Variants in GGACT observed in about 807,000 individuals in gnomAD.
GGACT encodes gamma-glutamylaminecyclotransferase.
For missense variants in GGACT, 241 were observed against 233.2 expected, an observed-to-expected ratio of 1.03 and a Z score of -0.22; for synonymous variants, 118 against 115.3, an observed-to-expected ratio of 1.02 and a Z score of -0.15.
rs1275414826 is a variant in GGACT at position 100,569,631 on chromosome 13, G to A, written c.-11+14194C>T. On this transcript the variant is annotated intron_variant, in intron 2 of 2. Transcript: ENST00000683975. The stretch of plus-strand genomic sequence containing the variant: ...TCTGATATGCCCTGGAGACATTTTC[G>A]CCACTGTCTTGGTGATTAACATTTG... Among the ~76,000 whole-genome samples, 11 of 152,330 alleles carry A rather than the reference G, an allele frequency of 7.2e-5. 1 individual carries two copies. The highest frequency in any genetic ancestry group is 4.1e-4 in the South Asian group (2 of 4,828).
rs964926761 is a variant in GGACT at position 100,530,439 on chromosome 13, T to C, written c.*1691A>G. 3 of 543,576 alleles carry C rather than the reference T, an allele frequency of 5.5e-6. No homozygotes were observed. In the East Asian group the frequency reaches 9.8e-5, roughly 18 times the overall value. The allele number at this position is 543,576 out of a possible 1,614,324, so 33.7% of individuals were successfully genotyped here. A position where few individuals can be genotyped will look rare whatever the true frequency, so the allele number is the denominator to read the frequency against. On this transcript the variant is annotated 3_prime_UTR_variant, in exon 3 of 3. Transcript: ENST00000683975. ...TAAAACTGAGCATTTGTCTAAATAT[T>C]AGTTTGCCCTTTCTTTGAATGAAGA...
intron 2 of GGACT, among the ~76,000 whole-genome samples, chr13:100,551,491 C>A (rs863911): frequency 0.012 from 1,757 of 152,242 alleles, 33 homozygotes; most frequent in African/African-American, 0.04. Flanking sequence ...CAGGAACTTC[C>A]CAGAAAAGAA....
At chr13:100,571,774 A>AG (rs1191760745) in intron 2 of GGACT, among the ~76,000 whole-genome samples, 2 of 152,240 alleles carry the variant, frequency 1.3e-5, no homozygotes, top group Non-Finnish European at 2.9e-5. Context: ...ACATTGATGT[A>AG]TGGAGATAAT....
At chr13:100,559,800 G>A (rs899715607) in intron 2 of GGACT, among the ~76,000 whole-genome samples, 1 of 152,174 alleles carries the variant, frequency 6.6e-6, no homozygotes, top group African/African-American at 2.4e-5. Context: ...CGGCTGATAG[G>A]AAAGTCTTAA....
At chr13:100,561,079 G>A (rs2088755346) in intron 2 of GGACT, among the ~76,000 whole-genome samples, 1 of 152,192 alleles carries the variant, frequency 6.6e-6, no homozygotes, top group Non-Finnish European at 1.5e-5. Context: ...TCATGGTGAA[G>A]CTTGTGGCTA....
intron 2 of GGACT, among the ~76,000 whole-genome samples, chr13:100,563,627 G>A (rs896178764): frequency 6.6e-6 from 1 of 152,164 alleles, no homozygotes; most frequent in South Asian, 2.1e-4. Flanking sequence ...TCCAGCCTGA[G>A]CAACACAGTT....
Position 100,531,851 on chromosome 13 carries a change from G to T in GGACT, c.*279C>A. The stretch of plus-strand genomic sequence containing the variant: ...GCAGAGCCAACAGCAGAAACAACAC[G>T]AGGAGGAAGAAGAATTAGGCATAAC... On this transcript the variant is annotated 3_prime_UTR_variant, in exon 3 of 3. Transcript: ENST00000683975. The T allele has an allele frequency of 2.8e-6, 1 of 353,820 alleles. No individual in the cohort carries two copies. The allele number at this position is 353,820 out of a possible 1,614,324, so 21.9% of individuals were successfully genotyped here.
At chr13:100,557,178 A>G (rs2088716191) in intron 2 of GGACT, among the ~76,000 whole-genome samples, 1 of 152,256 alleles carries the variant, frequency 6.6e-6, no homozygotes, top group Non-Finnish European at 1.5e-5. Context: ...GGCTTTAGCC[A>G]CCATGCCCAG....
At chr13:100,539,136 C>T (rs1451971296) in intron 2 of GGACT, 1 of 152,182 alleles carries the variant, frequency 6.6e-6, no homozygotes, top group African/African-American at 2.4e-5. Context: ...CTATACAGGA[C>T]CATATTGTTT....
intron 2 of GGACT, among the ~76,000 whole-genome samples, chr13:100,557,606 TCC>T (rs1470175199): frequency 6.6e-6 from 1 of 152,100 alleles, no homozygotes; most frequent in Non-Finnish European, 1.5e-5. Flanking sequence ...CTTATCTCAC[TCC>T]CTATACACTA....
intron 2 of GGACT, among the ~76,000 whole-genome samples, chr13:100,550,360 G>T (rs2088650518): frequency 9.1e-6 from 1 of 110,188 alleles, no homozygotes; most frequent in Non-Finnish European, 1.8e-5. Context: ...ACACACCACT[G>T]GCCCTTCTAA....
chr13:100,563,773 A>G (rs566371358), intron 2 of GGACT, among the ~76,000 whole-genome samples: 1 of 152,400 alleles, frequency 6.6e-6, no homozygotes, highest in East Asian at 1.9e-4. Context: ...AGGAAAGAGA[A>G]GAATGAATTT....
At chr13:100,579,566 C>T (rs890633115) in intron 2 of GGACT, among the ~76,000 whole-genome samples, 3 of 152,186 alleles carry the variant, frequency 2.0e-5, no homozygotes, top group African/African-American at 7.2e-5. Flanking sequence ...GACAATGAGA[C>T]CCTCATTCCA....
intron 2 of GGACT, among the ~76,000 whole-genome samples, chr13:100,561,390 C>T (rs1433740840): frequency 2.0e-5 from 3 of 152,142 alleles, no homozygotes; most frequent in Admixed American, 6.5e-5. Context: ...CCATAGCAAA[C>T]AAAAATAACA....
chr13:100,564,818 G>C (rs553357806), intron 2 of GGACT, among the ~76,000 whole-genome samples: 15 of 152,262 alleles, frequency 9.9e-5, no homozygotes, highest in Non-Finnish European at 1.9e-4. Flanking sequence ...TCTATGCCCC[G>C]GGCAGGGGGC....
At chr13:100,562,872 A>C (rs2088777761) in intron 2 of GGACT, among the ~76,000 whole-genome samples, 1 of 152,020 alleles carries the variant, frequency 6.6e-6, no homozygotes, top group Non-Finnish European at 1.5e-5. Context: ...TTGACTCCAG[A>C]GTTCAAACTC....
At chr13:100,566,819 G>A (rs1322608723) in intron 2 of GGACT, among the ~76,000 whole-genome samples, 1 of 152,160 alleles carries the variant, frequency 6.6e-6, no homozygotes, top group Non-Finnish European at 1.5e-5. Context: ...CCACCTTCTC[G>A]CAGACAGTTT....
chr13:100,546,255 G>A (rs1008459603), intron 2 of GGACT, among the ~76,000 whole-genome samples: 1 of 151,658 alleles, frequency 6.6e-6, no homozygotes, highest in Admixed American at 6.6e-5. Flanking sequence ...CCAGCTACTC[G>A]GGAGGCTGAG....
At chr13:100,551,240 C>T (rs1178991798) in intron 2 of GGACT, among the ~76,000 whole-genome samples, 4 of 151,730 alleles carry the variant, frequency 2.6e-5, no homozygotes, top group Admixed American at 6.6e-5. Context: ...GCCGAGATCA[C>T]GCCACTGCAC....
Sources: allele counts gnomAD v4.1 joint callset (sites outside exome capture counted in the v4.1 genomes callset), GRCh38; gene constraint gnomAD v4.1.1; transcripts MANE v1.5; gene names NCBI Gene and HGNC (gene_info 2026-07-23, HGNC 2026-07-21).